The following DMD variants were observed in gnomAD, a reference collection of about 807,000 sequenced individuals.
DMD encodes dystrophin, also known as mutant dystrophin.
Under a neutral mutation model 330.1 loss-of-function variants are expected in DMD, and 63 were observed. The ratio of observed to expected loss-of-function variants is 0.19; its 90% CI spans 0.16 to 0.24. DMD has a LOEUF of 0.24. DMD is among the 10% of genes least tolerant of loss of function. DMD has a pLI of 1.00. For missense variants in DMD, 3,344 were observed against 2,684.1 expected (o/e 1.25, Z -5.43); for synonymous variants, 1,223 against 959.8 (o/e 1.27, Z -5.07).
chrX:33,231,173 A>G (rs965358893), intron 1 of DMD, among the ~76,000 whole-genome samples: 2 of 111,561 alleles, frequency 1.8e-5, no homozygotes, highest in African/African-American at 3.3e-5. Flanking sequence ...TGACTTACAC[A>G]TACATACACA....
In DMD at chrX:32,438,368, T is replaced by A. The variant is rs1304826050; in HGVS notation, c.3944A>T (p.His1315Leu). ...VLDSLENLMR[H>L]SEDNPNQIRI... ...AATCTGATTTGGGTTATCCTCTGAA[T>A]GTCGCATCAAATTTTCAAGTGACTG... The change falls in exon 29 of 79, where the codon CAT (histidine) becomes CTT (leucine). Residue 1315 changes from histidine to leucine, a missense_variant. Physicochemically the swap from His to Leu is moderately conservative, Grantham distance 99. Transcript: ENST00000357033. The A allele has an allele frequency of 8.3e-7, 1 of 1,211,824 alleles. No individual in the cohort carries two copies. Among genetic ancestry groups the A allele is most frequent in the Non-Finnish European group, 1.1e-6 (1 of 895,445 alleles).
At chrX:31,691,972 A>C (rs185359594) in intron 52 of DMD, among the ~76,000 whole-genome samples, 2 of 112,091 alleles carry the variant, frequency 1.8e-5, no homozygotes. Context: ...AGGAAAATAC[A>C]GATTCTTCTC....
chrX:32,771,925 A>G (rs778540611), intron 7 of DMD, among the ~76,000 whole-genome samples: 37 of 111,868 alleles, frequency 3.3e-4, no homozygotes, highest in Non-Finnish European at 5.6e-4. Flanking sequence ...AAAAATACCA[A>G]TATATTTATA....
intron 38 of DMD, among the ~76,000 whole-genome samples, chrX:32,347,533 C>A (rs1211790726): frequency 9.0e-6 from 1 of 111,685 alleles, no homozygotes; most frequent in East Asian, 2.8e-4. Context: ...TTGATTGAGG[C>A]AGCTCCAGGA....
At chrX:31,665,261 T>C (rs1456765610) in intron 53 of DMD, among the ~76,000 whole-genome samples, 2 of 111,542 alleles carry the variant, frequency 1.8e-5, no homozygotes, top group African/African-American at 3.3e-5. Flanking sequence ...GACTGGAAAA[T>C]TATTATGTAT....
intron 12 of DMD, among the ~76,000 whole-genome samples, chrX:32,606,203 C>T (rs1472995726): frequency 9.1e-6 from 1 of 110,357 alleles, no homozygotes; most frequent in Non-Finnish European, 1.9e-5. Flanking sequence ...TCTCTGATAA[C>T]CATCCTTCTA....
At chrX:32,041,230 T>G (rs894427321) in intron 44 of DMD, among the ~76,000 whole-genome samples, 1 of 112,304 alleles carries the variant, frequency 8.9e-6, no homozygotes, top group African/African-American at 3.2e-5. Flanking sequence ...CTCTTCTTCC[T>G]TGCTGACATA....
chrX:32,118,979 G>A (rs1357188529), intron 44 of DMD, among the ~76,000 whole-genome samples: 1 of 111,057 alleles, frequency 9.0e-6, no homozygotes, highest in African/African-American at 3.3e-5. Context: ...GGTAATGCTG[G>A]CGGCCCTGCA....
intron 30 of DMD, among the ~76,000 whole-genome samples, chrX:32,403,313 T>C (rs55811023): frequency 0.15 from 16,931 of 110,995 alleles, 1,115 homozygotes; most frequent in African/African-American, 0.24. Context: ...AGTGTTGCAA[T>C]AGTGTTCACT....
At chrX:31,490,199 C>T (rs185966630) in intron 57 of DMD, among the ~76,000 whole-genome samples, 1 of 112,224 alleles carries the variant, frequency 8.9e-6, no homozygotes, top group East Asian at 2.8e-4. Context: ...TAAAAAGACA[C>T]CTTAGAGTAG....
At chrX:31,761,211 T>TAC (rs1190965199) in intron 51 of DMD, among the ~76,000 whole-genome samples, 1 of 111,059 alleles carries the variant, frequency 9.0e-6, no homozygotes. Flanking sequence ...ATACTCATTA[T>TAC]TTTCCATTTT....
intron 47 of DMD, among the ~76,000 whole-genome samples, chrX:31,899,016 T>C (rs2094387199): frequency 1.8e-5 from 2 of 112,050 alleles, no homozygotes; most frequent in Admixed American, 1.9e-4. Context: ...TGAATATGTA[T>C]GAAACACCAC....
At chrX:32,314,486 G>C (rs1390717641) in intron 41 of DMD, among the ~76,000 whole-genome samples, 1 of 111,135 alleles carries the variant, frequency 9.0e-6, no homozygotes, top group Non-Finnish European at 1.9e-5. Context: ...TACAGGCATG[G>C]GCAAAGACTT....
intron 4 of DMD, among the ~76,000 whole-genome samples, chrX:32,824,738 ACACACATATGCATG>A (rs1433597147): frequency 8.9e-6 from 1 of 112,274 alleles, no homozygotes; most frequent in Non-Finnish European, 1.9e-5. Context: ...AGAACTAAAT[ACACACATATGCATG>A]CACACATACA....
chrX:31,563,690 C>A (rs1164540836), intron 55 of DMD, among the ~76,000 whole-genome samples: 1 of 111,764 alleles, frequency 8.9e-6, no homozygotes, highest in African/African-American at 3.3e-5. Context: ...TACTATAAAT[C>A]TATTCTATGA....
chrX:32,843,113 G>A (rs1426333892), intron 4 of DMD, among the ~76,000 whole-genome samples: 1 of 111,925 alleles, frequency 8.9e-6, no homozygotes, highest in Non-Finnish European at 1.9e-5. Flanking sequence ...GACCTGTACC[G>A]CATTTTCTTT....
chrX:31,886,841 C>T (rs900023465), intron 47 of DMD, among the ~76,000 whole-genome samples: 2 of 111,798 alleles, frequency 1.8e-5, no homozygotes, highest in Non-Finnish European at 3.8e-5. Flanking sequence ...AAATTTTCTG[C>T]AATGAATATG....
chrX:33,002,260 C>T, intron 2 of DMD, among the ~76,000 whole-genome samples: 1 of 110,849 alleles, frequency 9.0e-6, no homozygotes, highest in Non-Finnish European at 1.9e-5. Flanking sequence ...TTCTTGGTGT[C>T]TTGATCAAAG....
intron 2 of DMD, among the ~76,000 whole-genome samples, chrX:32,872,891 G>A (rs1362918685): frequency 9.0e-6 from 1 of 111,343 alleles, no homozygotes; most frequent in Non-Finnish European, 1.9e-5. Flanking sequence ...CATCAAGGAG[G>A]GCAAGAGAAG....
Sources: allele counts gnomAD v4.1 joint callset (sites outside exome capture counted in the v4.1 genomes callset), GRCh38; gene constraint gnomAD v4.1.1; transcripts MANE v1.5; gene names NCBI Gene and HGNC (gene_info 2026-07-23, HGNC 2026-07-21).